Variants in NLGN1 observed in about 807,000 individuals in gnomAD.
NLGN1 encodes neuroligin-1.
In NLGN1, 12 loss-of-function variants were observed where a neutral mutation model predicts 65.5. The ratio of observed to expected loss-of-function variants is 0.18; its 90% CI spans 0.12 to 0.30. The LOEUF (loss-of-function observed/expected upper bound fraction) is 0.30, where lower values mean the gene tolerates loss of function less well. NLGN1 is among the 10% of genes least tolerant of loss of function. The pLI, the probability that NLGN1 is intolerant of heterozygous loss-of-function variation, is 1.00. For missense variants in NLGN1, 750 were observed against 1,007.1 expected (o/e 0.74, Z 3.46); for synonymous variants, 350 against 359.5 (o/e 0.97, Z 0.30).
chr3:173,469,105 A>G (rs1724873347), intron 2 of NLGN1, among the ~76,000 whole-genome samples: 1 of 152,168 alleles, frequency 6.6e-6, no homozygotes, highest in South Asian at 2.1e-4. Flanking sequence ...ACTTAAAGCA[A>G]CACTACTTAT....
intron 4 of NLGN1, among the ~76,000 whole-genome samples, chr3:174,054,710 T>G (rs1472529877): frequency 1.3e-5 from 2 of 152,082 alleles, no homozygotes; most frequent in Non-Finnish European, 2.9e-5. Flanking sequence ...TGGTCCAGAC[T>G]ATATTCAAGG....
intron 4 of NLGN1, among the ~76,000 whole-genome samples, chr3:174,066,816 A>G (rs950110518): frequency 1.3e-5 from 2 of 152,086 alleles, no homozygotes; most frequent in African/African-American, 4.8e-5. Flanking sequence ...TATGACCAAT[A>G]CACAAAGGGT....
chr3:173,980,866 A>G (rs1221806388), intron 4 of NLGN1, among the ~76,000 whole-genome samples: 1 of 152,176 alleles, frequency 6.6e-6, no homozygotes, highest in East Asian at 1.9e-4. Context: ...TATTAGTTAT[A>G]TCTTATCCAT....
chr3:174,275,306 A>G lies in NLGN1; in HGVS notation c.647-9A>G. On this transcript the variant is annotated splice_polypyrimidine_tract_variant and intron_variant, in intron 4 of 6. Transcript: ENST00000457714. ...CTCAAAACGTGTTTTCTAAATTTAT[A>G]TTTTTCAGGTTTCTTGAGTACAGGC... is the stretch of plus-strand genomic sequence containing the variant. 1 of 1,604,476 alleles carries G rather than the reference A, an allele frequency of 6.2e-7. No homozygotes were observed. Among genetic ancestry groups the G allele is most frequent in the Non-Finnish European group, 8.5e-7 (1 of 1,172,832 alleles).
intron 2 of NLGN1, among the ~76,000 whole-genome samples, chr3:173,588,809 C>A (rs868851442): frequency 6.6e-6 from 1 of 152,252 alleles, no homozygotes; most frequent in Middle Eastern, 3.4e-3. Context: ...TCCTGACACT[C>A]ATAAAACGTT....
intron 4 of NLGN1, among the ~76,000 whole-genome samples, chr3:174,192,584 G>T (rs1732596283): frequency 1.3e-5 from 2 of 152,094 alleles, no homozygotes; most frequent in African/African-American, 4.8e-5. Context: ...CCAGAGAAAT[G>T]TATATGTAAT....
intron 4 of NLGN1, among the ~76,000 whole-genome samples, chr3:173,965,056 T>C (rs568793046): frequency 6.6e-6 from 1 of 152,288 alleles, no homozygotes; most frequent in Admixed American, 6.5e-5. Context: ...CAAATTTTGG[T>C]TCCCGAGTTG....
rs1361046676 is a variant in NLGN1, at chr3:173,637,462, A to G, written c.493+32371A>G. ...ATTTTTACCACTATTTCTTTCATAT[A>G]AGCTTTTTATATTCTCTTGTTCTAG... On this transcript the variant is annotated intron_variant, in intron 3 of 6. Transcript: ENST00000457714. 2.0e-5 allele frequency among the ~76,000 whole-genome samples: 3 copies of G among 152,096 alleles called. No individual in the cohort carries two copies. In the East Asian group the frequency reaches 5.8e-4, roughly 29 times the overall value.
chr3:173,462,688 A>G (rs1422635383), intron 2 of NLGN1, among the ~76,000 whole-genome samples: 3 of 152,050 alleles, frequency 2.0e-5, no homozygotes, highest in African/African-American at 7.2e-5. Flanking sequence ...ACAATCTTCT[A>G]TTGCTGTCTC....
intron 2 of NLGN1, among the ~76,000 whole-genome samples, chr3:173,512,129 TC>T (rs1253819309): frequency 4.6e-5 from 7 of 152,144 alleles, no homozygotes; most frequent in Non-Finnish European, 1.0e-4. Flanking sequence ...GAGGCTGAGC[TC>T]TCTTAGCTCT....
chr3:174,237,236 T>G (rs1741882956), intron 4 of NLGN1, among the ~76,000 whole-genome samples: 1 of 152,202 alleles, frequency 6.6e-6, no homozygotes, highest in Admixed American at 6.5e-5. Flanking sequence ...AAACAATCTA[T>G]GTGTTTAGAC....
intron 4 of NLGN1, among the ~76,000 whole-genome samples, chr3:173,976,476 T>G (rs886972594): frequency 6.6e-6 from 1 of 152,062 alleles, no homozygotes; most frequent in Non-Finnish European, 1.5e-5. Flanking sequence ...TCAGCATATT[T>G]TAGTGATTTA....
intron 3 of NLGN1, among the ~76,000 whole-genome samples, chr3:173,762,226 A>C (rs987803475): frequency 6.6e-6 from 1 of 152,096 alleles, no homozygotes; most frequent in Non-Finnish European, 1.5e-5. Context: ...GATAGATTCC[A>C]GGGACTCATG....
intron 4 of NLGN1, among the ~76,000 whole-genome samples, chr3:174,016,108 T>C (rs2152450606): frequency 6.6e-6 from 1 of 152,246 alleles, no homozygotes; most frequent in South Asian, 2.1e-4. Context: ...CTCACAAAAA[T>C]GGAGTTTCCA....
intron 4 of NLGN1, among the ~76,000 whole-genome samples, chr3:174,109,655 G>A (rs1714750819): frequency 6.6e-6 from 1 of 151,538 alleles, no homozygotes; most frequent in Non-Finnish European, 1.5e-5. Flanking sequence ...TCTTTATTGA[G>A]GCTCAGTTGA....
intron 2 of NLGN1, among the ~76,000 whole-genome samples, chr3:173,571,405 T>C (rs1038439397): frequency 7.2e-5 from 11 of 152,218 alleles, no homozygotes; most frequent in East Asian, 5.8e-4. Context: ...ATCTAATATA[T>C]AAAAGATGCC....
chr3:173,771,026 C>T (rs1467550631), intron 3 of NLGN1, among the ~76,000 whole-genome samples: 1 of 152,122 alleles, frequency 6.6e-6, no homozygotes, highest in Non-Finnish European at 1.5e-5. Context: ...CACCTTTCAC[C>T]TCTCAAAATC....
At chr3:173,850,308 T>C (rs528225846) in intron 4 of NLGN1, among the ~76,000 whole-genome samples, 92 of 152,306 alleles carry the variant, frequency 6.0e-4, no homozygotes, top group African/African-American at 2.1e-3. Context: ...TTTATGGTAA[T>C]GACTATATGT....
At chr3:173,530,849 G>A (rs1004389598) in intron 2 of NLGN1, among the ~76,000 whole-genome samples, 31 of 151,832 alleles carry the variant, frequency 2.0e-4, no homozygotes, top group African/African-American at 7.5e-4. Flanking sequence ...ATATTTAAAT[G>A]CTCTTTGCTT....
Sources: gnomAD v4.1 joint callset for allele counts (sites outside exome capture counted in the v4.1 genomes callset) on GRCh38, gnomAD v4.1.1 for gene constraint, MANE v1.5 for transcripts, NCBI Gene and HGNC (gene_info 2026-07-23, HGNC 2026-07-21) for gene names.